The following BNC2 variants were observed in gnomAD, a reference collection of about 807,000 sequenced individuals.
BNC2 encodes basonuclin zinc finger protein 2, also known as zinc finger protein basonuclin-2.
Under a neutral mutation model 76.3 loss-of-function variants are expected in BNC2, and 20 were observed. The ratio of observed to expected loss-of-function variants is 0.26; its 90% CI spans 0.18 to 0.38. BNC2 has a LOEUF of 0.38. Ranked by LOEUF, BNC2 falls within the 10% of genes least tolerant of loss-of-function variation. The pLI is 1.00. For synonymous variants in BNC2, 582 were observed against 514.8 expected (o/e 1.13, Z -1.77); for missense variants, 1,382 against 1,399.8 (o/e 0.99, Z 0.20).
intron 1 of BNC2, among the ~76,000 whole-genome samples, chr9:16,755,167 A>G (rs1825344020): frequency 6.6e-6 from 1 of 152,324 alleles, no homozygotes; most frequent in Non-Finnish European, 1.5e-5. Flanking sequence ...ATAACTGAAA[A>G]TATTTCCAAA....
chr9:16,806,526 G>A (rs1817917443), intron 1 of BNC2, among the ~76,000 whole-genome samples: 1 of 152,176 alleles, frequency 6.6e-6, no homozygotes, highest in South Asian at 2.1e-4. Context: ...ATAATCCTGG[G>A]AAATTACGCC....
intron 3 of BNC2, among the ~76,000 whole-genome samples, chr9:16,617,547 ACG>A (rs1563865762): frequency 1.3e-5 from 2 of 150,614 alleles, no homozygotes; most frequent in Admixed American, 6.6e-5. Context: ...AAAAAAAACC[ACG>A]ATTATCTATA....
At position 16,767,204 on chromosome 9, in the gene BNC2, G is replaced by A. The variant is rs539835792; in HGVS notation, c.4-28719C>T. ...ACTCTCTCCATATTATAGACCAGAA[G>A]CAACCAGTCAATTAAATCTCAAGTA... On this transcript the variant is annotated intron_variant, in intron 1 of 6. Transcript: ENST00000380672. Among the ~76,000 whole-genome samples the A allele has an allele frequency of 2.0e-5, 3 of 152,302 alleles. No homozygotes were observed. The East Asian group carries it at 5.8e-4, about 29-fold the overall frequency.
At chr9:16,447,955 G>A (rs963266707) in intron 5 of BNC2, among the ~76,000 whole-genome samples, 1 of 151,986 alleles carries the variant, frequency 6.6e-6, no homozygotes, top group Non-Finnish European at 1.5e-5. Context: ...AGATTCTAGA[G>A]GGTACTTATT....
chr9:16,590,313 C>T, intron 3 of BNC2, among the ~76,000 whole-genome samples: 1 of 152,146 alleles, frequency 6.6e-6, no homozygotes, highest in African/African-American at 2.4e-5. Flanking sequence ...CTGCCTCAGC[C>T]TCCCACGTAG....
Position 16,728,017 on chromosome 9 carries a change from T to G in BNC2, c.130-20A>C. 1 of 1,610,566 alleles carries G rather than the reference T, an allele frequency of 6.2e-7. No homozygotes were observed. Among genetic ancestry groups the G allele is most frequent in the South Asian group, 1.1e-5 (1 of 91,010 alleles). On this transcript the variant is annotated intron_variant, in intron 2 of 6. Coordinates refer to ENST00000380672, the MANE Select transcript of BNC2 (RefSeq NM_017637.6). ...TTCTGACTGAAAAGTGAAGGTGGAT[T>G]TTTTGAGCCTCTTGGCAGCCAGTAG...
At chr9:16,672,503 A>G (rs1822510271) in intron 3 of BNC2, among the ~76,000 whole-genome samples, 1 of 152,206 alleles carries the variant, frequency 6.6e-6, no homozygotes, top group African/African-American at 2.4e-5. Flanking sequence ...CTCAAAAAAA[A>G]AGAAAATGTT....
At chr9:16,636,592 C>G (rs542768594) in intron 3 of BNC2, among the ~76,000 whole-genome samples, 1 of 152,136 alleles carries the variant, frequency 6.6e-6, no homozygotes, top group Non-Finnish European at 1.5e-5. Flanking sequence ...TGTGAGCCGC[C>G]ACACCCAGCT....
intron 5 of BNC2, among the ~76,000 whole-genome samples, chr9:16,506,223 T>C (rs910125699): frequency 1.3e-5 from 2 of 152,140 alleles, no homozygotes; most frequent in African/African-American, 2.4e-5. Context: ...GCATAACAAG[T>C]TTTTAGAAAA....
intron 1 of BNC2, among the ~76,000 whole-genome samples, chr9:16,767,979 T>C (rs1825740937): frequency 6.6e-6 from 1 of 151,868 alleles, no homozygotes. Flanking sequence ...TTTTTTTTTT[T>C]TTTTTAGATG....
At chr9:16,693,850 G>C (rs543710584) in intron 3 of BNC2, among the ~76,000 whole-genome samples, 34 of 152,244 alleles carry the variant, frequency 2.2e-4, no homozygotes, top group Non-Finnish European at 3.8e-4. Flanking sequence ...AAATTATGTG[G>C]GGACAGACAT....
chr9:16,738,150 A>G (rs1380714650), intron 2 of BNC2, among the ~76,000 whole-genome samples: 3 of 152,186 alleles, frequency 2.0e-5, no homozygotes, highest in Admixed American at 1.3e-4. Flanking sequence ...TCATTCAAAT[A>G]ACCATCATTA....
intron 3 of BNC2, among the ~76,000 whole-genome samples, chr9:16,725,375 T>A (rs563694582): frequency 1.3e-5 from 2 of 152,066 alleles, no homozygotes; most frequent in African/African-American, 4.8e-5. Flanking sequence ...CAAACTAAAA[T>A]GTCATCTTGA....
chr9:16,640,760 C>A (rs529113242), intron 3 of BNC2, among the ~76,000 whole-genome samples: 1 of 152,250 alleles, frequency 6.6e-6, no homozygotes, highest in Admixed American at 6.5e-5. Flanking sequence ...CTTCAGCTTG[C>A]AGCATAACAG....
At chr9:16,866,212 T>C (rs1021460628) in intron 1 of BNC2, among the ~76,000 whole-genome samples, 7 of 152,194 alleles carry the variant, frequency 4.6e-5, no homozygotes, top group Admixed American at 2.0e-4. Flanking sequence ...TTATTGAATG[T>C]AATATCATTT....
At chr9:16,680,805 G>A (rs1441170369) in intron 3 of BNC2, among the ~76,000 whole-genome samples, 1 of 151,302 alleles carries the variant, frequency 6.6e-6, no homozygotes, top group Admixed American at 6.6e-5. Flanking sequence ...TAGTGATTAC[G>A]TGTGTGGCCT....
chr9:16,786,429 A>C (rs1360549785), intron 1 of BNC2, among the ~76,000 whole-genome samples: 2 of 152,070 alleles, frequency 1.3e-5, no homozygotes, highest in Non-Finnish European at 2.9e-5. Flanking sequence ...AGTACAGAAG[A>C]AACGGAGGGA....
intron 1 of BNC2, among the ~76,000 whole-genome samples, chr9:16,778,777 C>G (rs1826038334): frequency 6.6e-6 from 1 of 152,046 alleles, no homozygotes; most frequent in African/African-American, 2.4e-5. Context: ...GCCCAAACAA[C>G]TTCAGAAAGG....
intron 4 of BNC2, among the ~76,000 whole-genome samples, chr9:16,573,635 G>A (rs1334851819): frequency 6.6e-6 from 1 of 152,168 alleles, no homozygotes; most frequent in East Asian, 1.9e-4. Flanking sequence ...CTGTACAGAA[G>A]GCAAAGAGGC....
Sources: gnomAD v4.1 joint callset for allele counts (sites outside exome capture counted in the v4.1 genomes callset) on GRCh38, gnomAD v4.1.1 for gene constraint, MANE v1.5 for transcripts, NCBI Gene and HGNC (gene_info 2026-07-23, HGNC 2026-07-21) for gene names.